EXTL3: variants seen among roughly 807,000 people sequenced by gnomAD.
EXTL3 encodes the protein exostosin-like 3.
EXTL3 carries 27 observed loss-of-function variants against 69.3 expected under a neutral mutation model. The observed-to-expected ratio is 0.39, with a 90% CI of 0.29 to 0.54. The LOEUF (loss-of-function observed/expected upper bound fraction) is 0.54, where lower values mean the gene tolerates loss of function less well. EXTL3 is among the 20% of genes least tolerant of loss of function. The pLI is 0.69. For missense variants in EXTL3, 1,003 were observed against 1,231.8 expected, an observed-to-expected ratio of 0.81 and a Z score of 2.78; for synonymous variants, 511 against 499.4, an observed-to-expected ratio of 1.02 and a Z score of -0.31.
intron 1 of EXTL3, among the ~76,000 whole-genome samples, chr8:28,684,334 G>A (rs1807542601): frequency 6.6e-6 from 1 of 152,082 alleles, no homozygotes. Context: ...TCTATTTTTA[G>A]TTTTTTGAGG....
At chr8:28,665,732 C>T (rs2130631145) in intron 1 of EXTL3, among the ~76,000 whole-genome samples, 1 of 152,250 alleles carries the variant, frequency 6.6e-6, no homozygotes, top group South Asian at 2.1e-4. Flanking sequence ...CTAAGGAAGG[C>T]AGTCCTGCCA....
intron 3 of EXTL3, among the ~76,000 whole-genome samples, chr8:28,729,699 G>A (rs1192332234): frequency 6.6e-6 from 1 of 150,798 alleles, no homozygotes; most frequent in Non-Finnish European, 1.5e-5. Context: ...GACTGGGTTT[G>A]GAATCAAAGT....
Position 28,727,683 on chromosome 8 carries a change from AG to A in EXTL3, c.2149-3538del, listed in dbSNP as rs142013120. On this transcript the variant is annotated intron_variant, in intron 3 of 6. Coordinates refer to ENST00000220562, the MANE Select transcript of EXTL3 (RefSeq NM_001440.4). ...TGCTGGCATTCACACGTCTAGTAAGAGGAAGAGTTGGAATTTGAACCCAAGC... is the reference window on the plus strand; with the variant it reads ...TGCTGGCATTCACACGTCTAGTAAGAGAAGAGTTGGAATTTGAACCCAAGC... Among the ~76,000 whole-genome samples the A allele has an allele frequency of 3.7e-3, 564 of 152,306 alleles. 5 individuals are homozygous for A. The highest frequency in any genetic ancestry group is 0.013 in the African/African-American group (524 of 41,552).
chr8:28,669,876 A>G (rs1807257415), intron 1 of EXTL3, among the ~76,000 whole-genome samples: 1 of 152,122 alleles, frequency 6.6e-6, no homozygotes, highest in African/African-American at 2.4e-5. Flanking sequence ...TTGAATCTGA[A>G]TCACCTGTAC....
chr8:28,704,203 A>G (rs1800871218), intron 1 of EXTL3, among the ~76,000 whole-genome samples: 1 of 152,266 alleles, frequency 6.6e-6, no homozygotes, highest in South Asian at 2.1e-4. Flanking sequence ...CAGTTAGGCC[A>G]TAAAGTGCAG....
At chr8:28,634,785 G>A (rs1230343435) in intron 1 of EXTL3, among the ~76,000 whole-genome samples, 5 of 151,992 alleles carry the variant, frequency 3.3e-5, no homozygotes, top group South Asian at 2.1e-4. Context: ...TAGTAGAGAC[G>A]GGTTTTGCCA....
chr8:28,721,750 T>C (rs1801296824), intron 3 of EXTL3, among the ~76,000 whole-genome samples: 1 of 152,174 alleles, frequency 6.6e-6, no homozygotes. Context: ...TTGGTTTGAG[T>C]TACTACTTTA....
chr8:28,749,698 TGTGA>T (rs1233330985), intron 6 of EXTL3, among the ~76,000 whole-genome samples: 7 of 152,210 alleles, frequency 4.6e-5, no homozygotes, highest in African/African-American at 1.7e-4. Context: ...CATGTATGTA[TGTGA>T]GTGAGTGACA....
intron 2 of EXTL3, among the ~76,000 whole-genome samples, chr8:28,616,884 C>A (rs1806338799): frequency 6.6e-6 from 1 of 152,216 alleles, no homozygotes; most frequent in Admixed American, 6.5e-5. Flanking sequence ...GAAGGGAAGA[C>A]AAAACGGACT....
chr8:28,640,055 A>G (rs1192273004), intron 1 of EXTL3, among the ~76,000 whole-genome samples: 1 of 152,202 alleles, frequency 6.6e-6, no homozygotes, highest in Non-Finnish European at 1.5e-5. Flanking sequence ...AGCTGAGATT[A>G]TACCACTGCA....
At chr8:28,756,137 GC>G (rs1282619275), downstream of EXTL3, among the ~76,000 whole-genome samples, 1 of 152,168 alleles carries the variant, frequency 6.6e-6, no homozygotes. Context: ...TCTTCAGTGT[GC>G]ATTCTTTTGA....
intron 1 of EXTL3, chr8:28,631,294 A>C (rs1462078281): frequency 6.6e-6 from 1 of 152,124 alleles, no homozygotes; most frequent in Non-Finnish European, 1.5e-5. Context: ...CCTTTGGTGG[A>C]AGCTATCTGG....
At chr8:28,715,039 G>A (rs188088407) in intron 2 of EXTL3, among the ~76,000 whole-genome samples, 1 of 152,308 alleles carries the variant, frequency 6.6e-6, no homozygotes, top group East Asian at 1.9e-4. Context: ...AATACATTTT[G>A]TCTCAGGATT....
intron 1 of EXTL3, among the ~76,000 whole-genome samples, chr8:28,661,368 T>C (rs145962562): frequency 1.8e-4 from 26 of 147,780 alleles, no homozygotes; most frequent in Admixed American, 1.7e-3. Context: ...CACACACACA[T>C]ATACACACAA....
chr8:28,677,188 C>T (rs1294238893), intron 1 of EXTL3, among the ~76,000 whole-genome samples: 1 of 152,122 alleles, frequency 6.6e-6, no homozygotes, highest in Non-Finnish European at 1.5e-5. Flanking sequence ...AAAATGAAAG[C>T]ACCAGAGATG....
chr8:28,665,591 T>C (rs1401894652), intron 1 of EXTL3, among the ~76,000 whole-genome samples: 1 of 151,840 alleles, frequency 6.6e-6, no homozygotes, highest in East Asian at 1.9e-4. Flanking sequence ...TTTGTATTTC[T>C]TGTAGAGATG....
At chr8:28,745,116 TG>T (rs1801861973) in intron 6 of EXTL3, among the ~76,000 whole-genome samples, 1 of 151,790 alleles carries the variant, frequency 6.6e-6, no homozygotes. Context: ...GAGGATTGCT[TG>T]AATCCAGGAG....
chr8:28,720,013 C>T (rs949406109), intron 3 of EXTL3, among the ~76,000 whole-genome samples: 4 of 152,160 alleles, frequency 2.6e-5, no homozygotes, highest in African/African-American at 9.7e-5. Context: ...ACAGCTTTCT[C>T]ATATTAGCAA....
rs1471078290 is a variant in EXTL3, at chr8:28,754,263, T to A, written c.*3397T>A. On this transcript the variant is annotated 3_prime_UTR_variant, in exon 7 of 7. Transcript: ENST00000220562. Reference sequence around the variant, plus strand: ...CTAGATCTTGTGCTTGGCTGTGGGATCAGAGGCTTCCTCAGGAGAGGGCAC... The same window carrying A: ...CTAGATCTTGTGCTTGGCTGTGGGAACAGAGGCTTCCTCAGGAGAGGGCAC... 2.6e-5 allele frequency: 4 copies of A among 152,340 alleles called. No homozygotes were observed. Among genetic ancestry groups the A allele is most frequent in the Non-Finnish European group, 1.5e-5 (1 of 68,200 alleles). The allele number at this position is 152,340 out of a possible 1,614,324, so 9.4% of individuals were successfully genotyped here.
Sources: allele counts gnomAD v4.1 joint callset (sites outside exome capture counted in the v4.1 genomes callset), GRCh38; gene constraint gnomAD v4.1.1; transcripts MANE v1.5; gene names NCBI Gene and HGNC (gene_info 2026-07-23, HGNC 2026-07-21).